ARHGEF11: variants seen among roughly 807,000 people sequenced by gnomAD.
The protein encoded by ARHGEF11 is Rho guanine exchange factor (GEF) 11.
A neutral mutation model predicts 193.7 loss-of-function variants in ARHGEF11; 55 were observed. That is an observed-to-expected ratio of 0.28 (90% CI 0.23 to 0.36). The LOEUF is 0.36. ARHGEF11 is among the 10% of genes least tolerant of loss of function. The pLI is 1.00. For synonymous variants in ARHGEF11, 693 were observed against 768.0 expected (o/e 0.90, Z 1.62); for missense variants, 1,723 against 2,005.6 (o/e 0.86, Z 2.69).
rs183961266 is a variant in ARHGEF11, at chr1:156,967,277, G to A, written c.963+710C>T. On this transcript the variant is annotated intron_variant, in intron 11 of 40. Transcript: ENST00000368194. ...TTAAGTAACATTATACAGGTAGAAC[G>A]TTGAATATTTAGATGTCTAACAACG... Among the ~76,000 whole-genome samples, 157 of 152,322 alleles carry A rather than the reference G, an allele frequency of 1.0e-3. 3 individuals carry two copies. The highest frequency in any genetic ancestry group is 4.4e-4 in the Non-Finnish European group (30 of 68,020).
At position 156,935,890 on chromosome 1, in the gene ARHGEF11, C is replaced by T. The variant is rs548409928; in HGVS notation, c.*110G>A. Reference sequence around the variant, plus strand: ...CTTGGCTGGATCCTAGTTTCCCTAACTGCCTCCTCCACAGGGAGGAGTGTT... The same window carrying T: ...CTTGGCTGGATCCTAGTTTCCCTAATTGCCTCCTCCACAGGGAGGAGTGTT... On this transcript the variant is annotated 3_prime_UTR_variant, in exon 41 of 41. Transcript: ENST00000368194. The T allele has an allele frequency of 4.8e-6, 6 of 1,262,694 alleles. No homozygotes were observed. Among genetic ancestry groups the T allele is most frequent in the South Asian group, 1.5e-5 (1 of 66,772 alleles). 78.2% of individuals were successfully genotyped at this position (1,262,694 alleles called of 1,614,324 possible). A position where few individuals can be genotyped will look rare whatever the true frequency, so the allele number is the denominator to read the frequency against.
At chr1:157,041,501 A>G (rs946890408) in intron 1 of ARHGEF11, among the ~76,000 whole-genome samples, 18 of 152,342 alleles carry the variant, frequency 1.2e-4, no homozygotes, top group African/African-American at 4.3e-4. Flanking sequence ...ACTCTCAGCT[A>G]CAATCTCTTT....
At chr1:156,975,078 A>G (rs532938315) in intron 7 of ARHGEF11, among the ~76,000 whole-genome samples, 1 of 152,350 alleles carries the variant, frequency 6.6e-6, no homozygotes, top group South Asian at 2.1e-4. Context: ...CATGTTCTGA[A>G]GTACTGTCAA....
chr1:156,956,607 ATCTTCCCTGTGCCAAACAATC>A (rs1659995184), intron 18 of ARHGEF11, 43 bp from the exon 19 acceptor site: 1 of 1,611,598 alleles, frequency 6.2e-7, no homozygotes, highest in African/African-American at 1.3e-5. Context: ...AGCTCAAGTT[ATCTTCCCTGTGCCAAACAATC>A]TCTTCACCAC....
intron 25 of ARHGEF11, 115 bp from the exon 26 acceptor site, chr1:156,947,565 C>T: frequency 1.5e-6 from 2 of 1,376,644 alleles, no homozygotes; most frequent in Non-Finnish European, 1.9e-6. Context: ...AACTGAAGTG[C>T]CAGTTTCAGA....
intron 1 of ARHGEF11, among the ~76,000 whole-genome samples, chr1:156,989,455 T>A (rs778235035): frequency 3.3e-5 from 5 of 152,070 alleles, no homozygotes; most frequent in Non-Finnish European, 5.9e-5. Flanking sequence ...CATCAAGAAC[T>A]TATCATTTCT....
At chr1:157,042,853 C>A (rs1318565640) in intron 1 of ARHGEF11, among the ~76,000 whole-genome samples, 1 of 152,194 alleles carries the variant, frequency 6.6e-6, no homozygotes, top group Non-Finnish European at 1.5e-5. Flanking sequence ...TCTCAAACTC[C>A]AAGAGGATGA....
At chr1:157,002,766 T>C (rs10494306) in intron 1 of ARHGEF11, among the ~76,000 whole-genome samples, 4,098 of 152,278 alleles carry the variant, frequency 0.027, 73 homozygotes, top group South Asian at 0.054. Flanking sequence ...GAACTCATGA[T>C]GATAATAATA....
intron 1 of ARHGEF11, among the ~76,000 whole-genome samples, chr1:157,000,061 TC>T (rs1667028857): frequency 6.6e-6 from 1 of 152,222 alleles, no homozygotes; most frequent in Non-Finnish European, 1.5e-5. Context: ...CCTCCCAGGT[TC>T]AAGTGATTCT....
intron 1 of ARHGEF11, among the ~76,000 whole-genome samples, chr1:157,037,391 G>A (rs973872356): frequency 3.9e-5 from 6 of 151,982 alleles, no homozygotes; most frequent in African/African-American, 1.4e-4. Context: ...ACCTTCCCCG[G>A]CTCCCTTTCT....
chr1:157,015,770 G>T (rs1669142037), intron 1 of ARHGEF11, among the ~76,000 whole-genome samples: 1 of 152,218 alleles, frequency 6.6e-6, no homozygotes, highest in Non-Finnish European at 1.5e-5. Flanking sequence ...TGGAAGGTCA[G>T]CCATGGGACT....
intron 28 of ARHGEF11, 67 bp from the exon 29 acceptor site, chr1:156,946,229 G>A (rs1221565585): frequency 3.8e-6 from 5 of 1,316,308 alleles, no homozygotes; most frequent in Admixed American, 1.7e-5. Context: ...ATGGGCTCAG[G>A]GCCAAGATGG....
intron 4 of ARHGEF11, among the ~76,000 whole-genome samples, chr1:156,980,014 C>T (rs1206384793): frequency 3.9e-5 from 6 of 152,108 alleles, no homozygotes; most frequent in Admixed American, 2.0e-4. Context: ...ACCATTCTGT[C>T]GAAGAAAGGT....
chr1:156,971,997 G>A (rs2102315703), intron 7 of ARHGEF11, among the ~76,000 whole-genome samples, 181 bp from the exon 8 acceptor site: 1 of 152,262 alleles, frequency 6.6e-6, no homozygotes, highest in East Asian at 1.9e-4. Context: ...AGAAAAAGAT[G>A]TAAGTGATGA....
intron 7 of ARHGEF11, among the ~76,000 whole-genome samples, chr1:156,972,745 T>C (rs1018412589): frequency 7.9e-5 from 12 of 152,204 alleles, no homozygotes; most frequent in Admixed American, 2.6e-4. Flanking sequence ...GGTAAAAACC[T>C]TCCCAACTGT....
intron 13 of ARHGEF11, 68 bp from the exon 14 acceptor site, chr1:156,961,843 C>T (rs775979543): frequency 1.8e-5 from 25 of 1,399,350 alleles, no homozygotes; most frequent in Middle Eastern, 3.5e-4. Flanking sequence ...CCCTAGGGGA[C>T]GTTTGGCCAT....
At chr1:156,993,009 G>A (rs1665985591) in intron 1 of ARHGEF11, among the ~76,000 whole-genome samples, 1 of 152,200 alleles carries the variant, frequency 6.6e-6, no homozygotes, top group South Asian at 2.1e-4. Context: ...ATGAGGACAA[G>A]GCCTAGAACA....
chr1:156,959,345 G>A (rs1278829202), intron 15 of ARHGEF11, among the ~76,000 whole-genome samples: 2 of 152,208 alleles, frequency 1.3e-5, no homozygotes, highest in African/African-American at 4.8e-5. Context: ...GATATCTAAA[G>A]TCCAAGGCAA....
At chr1:157,009,346 G>A (rs1475215958) in intron 1 of ARHGEF11, among the ~76,000 whole-genome samples, 1 of 152,158 alleles carries the variant, frequency 6.6e-6, no homozygotes, top group African/African-American at 2.4e-5. Context: ...GAAATGCTTT[G>A]ACATTTGAGG....
Sources: gnomAD v4.1 joint callset for allele counts (sites outside exome capture counted in the v4.1 genomes callset) on GRCh38, gnomAD v4.1.1 for gene constraint, MANE v1.5 for transcripts, NCBI Gene and HGNC (gene_info 2026-07-23, HGNC 2026-07-21) for gene names.